RACGAP1: variants seen among roughly 807,000 people sequenced by gnomAD.
RACGAP1 encodes Rac GTPase activating protein 1.
RACGAP1 carries 30 observed loss-of-function variants against 78.1 expected under a neutral mutation model. The ratio of observed to expected loss-of-function variants is 0.38; its 90% CI spans 0.29 to 0.52. RACGAP1 has a LOEUF of 0.52. RACGAP1 is among the 20% of genes least tolerant of loss of function. RACGAP1 has a pLI of 0.82. For missense variants in RACGAP1, 587 were observed against 777.1 expected (o/e 0.76, Z 2.91); for synonymous variants, 231 against 264.8 (o/e 0.87, Z 1.24).
Position 49,992,573 on chromosome 12 carries a change from A to G in RACGAP1, c.1422T>C (p.Ala474=), listed in dbSNP as rs1172854906. 6.2e-7 allele frequency: 1 copy of G among 1,614,014 alleles called. No homozygotes were observed. The highest frequency in any genetic ancestry group is 8.5e-7 in the Non-Finnish European group (1 of 1,179,994). The change falls in exon 13 of 17, where the codon GCT becomes GCC. Residue 474 remains alanine, a synonymous_variant. Coordinates refer to ENST00000312377, the MANE Select transcript of RACGAP1 (RefSeq NM_001319999.2). Reference sequence around the variant, plus strand: ...ACCTCTGCAAGTGAATCATGAGGAAAGCTAATGTGTCCCTGTTGGCCTGGG... The same window carrying G: ...ACCTCTGCAAGTGAATCATGAGGAAGGCTAATGTGTCCCTGTTGGCCTGGG... ...ELPQANRDTL[A]FLMIHLQRVA...
intron 4 of RACGAP1, among the ~76,000 whole-genome samples, chr12:50,004,669 C>T (rs1476863012): frequency 3.9e-5 from 6 of 152,204 alleles, no homozygotes; most frequent in Admixed American, 6.5e-5. Flanking sequence ...CTGGTTTCTA[C>T]AAACAAGAGT....
At chr12:50,011,505 C>A (rs1949328679) in intron 2 of RACGAP1, among the ~76,000 whole-genome samples, 1 of 151,208 alleles carries the variant, frequency 6.6e-6, no homozygotes, top group African/African-American at 2.4e-5. Context: ...GGTGGGAGGA[C>A]CGCTTGAGCC....
chr12:50,025,730 T>A (rs558108206), upstream of RACGAP1, among the ~76,000 whole-genome samples: 197 of 152,204 alleles, frequency 1.3e-3, 1 homozygote, highest in African/African-American at 3.9e-3. Flanking sequence ...TAAGGGCAAG[T>A]GGTACTTCCT....
chr12:50,007,898 T>C lies in RACGAP1; in HGVS notation c.86-1262A>G, dbSNP rs561742455. On this transcript the variant is annotated intron_variant, in intron 2 of 16. Coordinates refer to ENST00000312377, the MANE Select transcript of RACGAP1 (RefSeq NM_001319999.2). Reference sequence around the variant, plus strand: ...GGGTTAGTCTGGAACATACTACTTTTTTGTGGGTTTTTTTTTTTAGCTTAA... The same window carrying C: ...GGGTTAGTCTGGAACATACTACTTTCTTGTGGGTTTTTTTTTTTAGCTTAA... Among the ~76,000 whole-genome samples the C allele has an allele frequency of 1.8e-4, 27 of 149,468 alleles. No individual in the cohort carries two copies. The East Asian group carries it at 4.5e-3, about 25-fold the overall frequency.
chr12:50,001,367 A>G, intron 6 of RACGAP1, 115 bp from the exon 7 acceptor site: 1 of 654,548 alleles, frequency 1.5e-6, no homozygotes. Flanking sequence ...GGCTACAGTA[A>G]ATAACAAACA....
In RACGAP1 at chr12:49,989,504, T is replaced by A. The variant is rs181679111; in HGVS notation, c.*764A>T. 1.3e-5 allele frequency: 2 copies of A among 152,190 alleles called. No homozygotes were observed. Among genetic ancestry groups the A allele is most frequent in the East Asian group, 3.9e-4 (2 of 5,182 alleles). 9.4% of individuals were successfully genotyped at this position (152,190 alleles called of 1,614,324 possible). ...GGGCTCCACTGGACAAGGTTGGGGG[T>A]ATGGGGGCCAAGCATCAGAATGAAT... On this transcript the variant is annotated 3_prime_UTR_variant, in exon 17 of 17. Transcript: ENST00000312377.
chr12:50,025,259 G>C, intron 1 of RACGAP1, 139 bp downstream of exon 1: 1 of 972,070 alleles, frequency 1.0e-6, no homozygotes, highest in Non-Finnish European at 1.2e-6. Context: ...AGCCCGAGTG[G>C]AGAGGCTGTG....
intron 2 of RACGAP1, among the ~76,000 whole-genome samples, chr12:50,014,229 T>C (rs1949520562): frequency 6.6e-6 from 1 of 152,242 alleles, no homozygotes; most frequent in Non-Finnish European, 1.5e-5. Flanking sequence ...AAATTAGGTA[T>C]TAATGAAAAT....
chr12:50,015,732 G>A (rs1949628294), intron 2 of RACGAP1, among the ~76,000 whole-genome samples: 1 of 151,708 alleles, frequency 6.6e-6, no homozygotes, highest in South Asian at 2.1e-4. Context: ...AACCCAGGAG[G>A]CGGAGCTTGC....
At chr12:50,012,501 C>T (rs1253692446) in intron 2 of RACGAP1, among the ~76,000 whole-genome samples, 1 of 151,140 alleles carries the variant, frequency 6.6e-6, no homozygotes, top group Non-Finnish European at 1.5e-5. Context: ...GCAGAGGTTG[C>T]GGTAAGCCAC....
chr12:50,011,932 C>T (rs185104839), intron 2 of RACGAP1, among the ~76,000 whole-genome samples: 9 of 127,440 alleles, frequency 7.1e-5, no homozygotes, highest in South Asian at 2.4e-4. Context: ...CCAGCCTGGG[C>T]GACAGAGCGA....
intron 6 of RACGAP1, among the ~76,000 whole-genome samples, 183 bp downstream of exon 6, chr12:50,002,063 CA>C (rs1360584806): frequency 1.2e-5 from 1 of 80,998 alleles, no homozygotes; most frequent in Non-Finnish European, 2.3e-5. Flanking sequence ...AACTCCGTCT[CA>C]AAAAAAAGAA....
upstream of RACGAP1, among the ~76,000 whole-genome samples, chr12:50,026,949 G>A (rs1950278751): frequency 6.6e-6 from 1 of 152,126 alleles, no homozygotes; most frequent in African/African-American, 2.4e-5. Context: ...AAAGCACTGG[G>A]ATTACAGACA....
Position 50,016,666 on chromosome 12 carries a change from C to G in RACGAP1, c.50G>C (p.Arg17Pro), listed in dbSNP as rs765698830. The G allele has an allele frequency of 6.2e-7, 1 of 1,613,980 alleles. No homozygotes were observed. Among genetic ancestry groups the G allele is most frequent in the South Asian group, 1.1e-5 (1 of 91,078 alleles). The change falls in exon 2 of 17, where the codon CGC becomes CCC. Residue 17 changes from arginine to proline, a missense_variant. By Grantham distance (103) the Arg-to-Pro change is moderately radical (BLOSUM62 -2). Coordinates refer to ENST00000312377, the MANE Select transcript of RACGAP1 (RefSeq NM_001319999.2). ...NVRNLFEQLVRRVEILSEGNE... is the reference protein window; with the variant it reads ...NVRNLFEQLVPRVEILSEGNE... The stretch of plus-strand genomic sequence containing the variant: ...TCCTTCACTGAGAATCTCCACCCGG[C>G]GCACAAGCTGCTCAAACAGATTCCG...
At chr12:50,002,581 T>C (rs1948746386) in intron 5 of RACGAP1, 2 of 297,744 alleles carry the variant, frequency 6.7e-6, no homozygotes, top group Non-Finnish European at 1.3e-5. Context: ...ATATTTCCAG[T>C]GGCTGATCCT....
At chr12:49,999,318 C>T (rs369584695) in intron 8 of RACGAP1, 47 bp from the exon 9 acceptor site, 463 of 1,564,448 alleles carry the variant, frequency 3.0e-4, no homozygotes, top group Middle Eastern at 1.0e-3. Context: ...GTATTTTGCT[C>T]CTTCTAAATT....
intron 1 of RACGAP1, among the ~76,000 whole-genome samples, chr12:50,022,574 C>G (rs922952496): frequency 6.6e-6 from 1 of 152,000 alleles, no homozygotes; most frequent in Non-Finnish European, 1.5e-5. Flanking sequence ...AAGAGTGAAA[C>G]TCTGTCTCAA....
chr12:50,015,912 G>A (rs571144204), intron 2 of RACGAP1, among the ~76,000 whole-genome samples: 1 of 151,080 alleles, frequency 6.6e-6, no homozygotes, highest in South Asian at 2.1e-4. Flanking sequence ...AAAGAAAAAA[G>A]AAGAAATTAT....
At chr12:50,029,900 A>G, upstream of RACGAP1, among the ~76,000 whole-genome samples, 1 of 152,288 alleles carries the variant, frequency 6.6e-6, no homozygotes, top group South Asian at 2.1e-4. Context: ...CTCAAAAAAA[A>G]TAAATAAATA....
Sources: allele counts gnomAD v4.1 joint callset (sites outside exome capture counted in the v4.1 genomes callset), GRCh38; gene constraint gnomAD v4.1.1; transcripts MANE v1.5; gene names NCBI Gene and HGNC (gene_info 2026-07-23, HGNC 2026-07-21).